Variants in EVL observed in about 807,000 individuals in gnomAD.
EVL encodes Enah/Vasp-like, also known as ena/VASP-like protein.
Under a neutral mutation model 59.6 loss-of-function variants are expected in EVL, and 21 were observed. That is an observed-to-expected ratio of 0.35 (90% CI 0.25 to 0.51). EVL has a LOEUF of 0.51. EVL is among the 20% of genes least tolerant of loss of function. The pLI is 0.97. For missense variants in EVL, 462 were observed against 546.6 expected, an observed-to-expected ratio of 0.85 and a Z score of 1.54; for synonymous variants, 198 against 203.5, an observed-to-expected ratio of 0.97 and a Z score of 0.23.
At chr14:100,101,724 C>T (rs919029893) in intron 3 of EVL, among the ~76,000 whole-genome samples, 16 of 152,196 alleles carry the variant, frequency 1.1e-4, no homozygotes, top group South Asian at 4.1e-4. Flanking sequence ...CTGGTTTACA[C>T]GCTGTCCAGC....
upstream of EVL, among the ~76,000 whole-genome samples, chr14:100,063,118 A>C (rs1372400243): frequency 6.6e-6 from 1 of 152,154 alleles, no homozygotes; most frequent in East Asian, 1.9e-4. Flanking sequence ...AATAAATAAA[A>C]TGTTACCTTA....
intron 1 of EVL, among the ~76,000 whole-genome samples, chr14:100,026,345 G>C (rs1421437522): frequency 1.4e-5 from 2 of 139,098 alleles, no homozygotes; most frequent in African/African-American, 5.0e-5. Context: ...CAGACACTCA[G>C]AGAGGTTAAG....
chr14:100,130,000 A>T (rs1417431071), intron 7 of EVL, among the ~76,000 whole-genome samples: 1 of 152,260 alleles, frequency 6.6e-6, no homozygotes, highest in African/African-American at 2.4e-5. Flanking sequence ...GAAAAAGAAC[A>T]GTCCTTGCTC....
intron 1 of EVL, among the ~76,000 whole-genome samples, chr14:100,068,120 A>G (rs959090382): frequency 2.0e-5 from 3 of 152,156 alleles, no homozygotes; most frequent in Non-Finnish European, 2.9e-5. Context: ...CGTGAAAACA[A>G]TAGAGCAGTG....
Position 100,109,463 on chromosome 14 carries a change from T to G in EVL, c.358+11805T>G. On this transcript the variant is annotated intron_variant, in intron 3 of 13. Transcript: ENST00000392920. The surrounding 1 kb of genome is among the most constrained non-coding windows in gnomAD (Gnocchi z 4.3). ...AGACTGTGAGCTCCTCGAGGGCAGG[T>G]GTCTGTTTCTGTGTCTCGGGAGCCC... is the stretch of plus-strand genomic sequence containing the variant. 1 of 404,610 alleles carries G rather than the reference T, an allele frequency of 2.5e-6. No individual in the cohort carries two copies. Among genetic ancestry groups the G allele is most frequent in the Non-Finnish European group, 5.0e-6 (1 of 199,282 alleles). 25.1% of individuals were successfully genotyped at this position (404,610 alleles called of 1,614,324 possible).
chr14:100,098,886 A>G (rs1321292781), intron 3 of EVL, among the ~76,000 whole-genome samples: 1 of 152,206 alleles, frequency 6.6e-6, no homozygotes, highest in East Asian at 1.9e-4. Flanking sequence ...TAAATGAACT[A>G]GAATGTAAAA....
intron 1 of EVL, among the ~76,000 whole-genome samples, chr14:99,979,848 G>A (rs751872497): frequency 9.2e-5 from 14 of 152,236 alleles, no homozygotes; most frequent in Non-Finnish European, 1.9e-4. Context: ...CAGCCTGGGC[G>A]AACAGAGCGA....
intron 1 of EVL, among the ~76,000 whole-genome samples, chr14:100,002,788 A>G (rs118131254): frequency 6.6e-6 from 1 of 152,240 alleles, no homozygotes; most frequent in African/African-American, 2.4e-5. Flanking sequence ...ATTTAACTAA[A>G]GTGATAACTC....
At chr14:100,090,034 T>C (rs1033403873) in intron 2 of EVL, among the ~76,000 whole-genome samples, 2 of 151,964 alleles carry the variant, frequency 1.3e-5, no homozygotes, top group African/African-American at 4.8e-5. Flanking sequence ...TATGCCACTA[T>C]CTCAAGATGG....
chr14:100,102,871 G>C lies in EVL; in HGVS notation c.358+5213G>C, dbSNP rs377589187. Among the ~76,000 whole-genome samples the C allele has an allele frequency of 2.1e-4, 32 of 152,308 alleles. 1 individual carries two copies. Among genetic ancestry groups the C allele is most frequent in the African/African-American group, 7.5e-4 (31 of 41,562 alleles). On this transcript the variant is annotated intron_variant, in intron 3 of 13. Transcript: ENST00000392920. ...CCACCACTTTGTGAGGCTGAGGCGG[G>C]CGGATCACAAGGTCAAGAGATCAAG...
intron 1 of EVL, among the ~76,000 whole-genome samples, chr14:100,015,421 G>A (rs946036985): frequency 1.3e-5 from 2 of 152,172 alleles, no homozygotes; most frequent in African/African-American, 2.4e-5. Flanking sequence ...TTGTTTCTCC[G>A]GAGAAGTCCC....
intron 1 of EVL, among the ~76,000 whole-genome samples, chr14:99,993,278 T>C (rs1238935836): frequency 6.6e-6 from 1 of 152,122 alleles, no homozygotes; most frequent in Non-Finnish European, 1.5e-5. Context: ...CAAAATGGTC[T>C]CAATCTCCTG....
intron 3 of EVL, among the ~76,000 whole-genome samples, chr14:100,116,465 C>G (rs1047153148): frequency 1.3e-5 from 2 of 152,216 alleles, no homozygotes; most frequent in Non-Finnish European, 2.9e-5. Context: ...AAACTGAGCC[C>G]ATCCCTTCCA....
chr14:100,078,270 C>T (rs2062209986), intron 1 of EVL, among the ~76,000 whole-genome samples: 1 of 152,074 alleles, frequency 6.6e-6, no homozygotes, highest in African/African-American at 2.4e-5. Flanking sequence ...TTTCCCTGGA[C>T]CCGGGATTAA....
At chr14:100,041,824 T>A (rs1411318074) in intron 1 of EVL, among the ~76,000 whole-genome samples, 1 of 152,198 alleles carries the variant, frequency 6.6e-6, no homozygotes, top group Non-Finnish European at 1.5e-5. Flanking sequence ...GTGCCAATAG[T>A]AATACCCGAC....
chr14:100,069,779 T>C (rs1023137423), intron 1 of EVL, among the ~76,000 whole-genome samples: 1 of 152,244 alleles, frequency 6.6e-6, no homozygotes, highest in African/African-American at 2.4e-5. Context: ...CCAATGGCTT[T>C]GCTTTGGTAA....
intron 3 of EVL, among the ~76,000 whole-genome samples, chr14:100,102,780 A>G (rs1038490307): frequency 6.6e-6 from 1 of 152,152 alleles, no homozygotes. Context: ...GGCACCCACC[A>G]TCATACTGTC....
chr14:100,119,661 T>C (rs936342795), intron 3 of EVL, among the ~76,000 whole-genome samples: 7 of 152,204 alleles, frequency 4.6e-5, no homozygotes, highest in Admixed American at 1.3e-4. Flanking sequence ...GAACAAATAT[T>C]TCCAGCACTT....
At chr14:99,990,497 A>G (rs756363027) in intron 1 of EVL, among the ~76,000 whole-genome samples, 3 of 151,900 alleles carry the variant, frequency 2.0e-5, no homozygotes, top group Middle Eastern at 3.4e-3. Flanking sequence ...ACTAATTCCC[A>G]CTTTCCCTCT....
Sources: gnomAD v4.1 joint callset for allele counts (sites outside exome capture counted in the v4.1 genomes callset) on GRCh38, gnomAD v4.1.1 for gene constraint, Gnocchi (gnomAD v3.1) non-coding constraint, MANE v1.5 for transcripts, NCBI Gene and HGNC (gene_info 2026-07-23, HGNC 2026-07-21) for gene names.